Variants in FAM221A observed in about 807,000 individuals in gnomAD.
FAM221A encodes the protein protein FAM221A.
A neutral mutation model predicts 37.6 loss-of-function variants in FAM221A; 43 were observed. The ratio of observed to expected loss-of-function variants is 1.15; its 90% CI spans 0.90 to 1.48. The LOEUF (loss-of-function observed/expected upper bound fraction) is 1.48. FAM221A is among the 40% of genes most tolerant of loss of function. The pLI is 0.00. For synonymous variants in FAM221A, 135 were observed against 132.9 expected (o/e 1.02, Z -0.11); for missense variants, 361 against 361.5 (o/e 1.00, Z 0.01).
intron 5 of FAM221A, among the ~76,000 whole-genome samples, chr7:23,699,167 G>C (rs1055061649): frequency 6.7e-6 from 1 of 150,348 alleles, no homozygotes; most frequent in African/African-American, 2.5e-5. Context: ...GTCCAAGCTG[G>C]TGTGCAGTGG....
At chr7:23,695,093 C>A (rs540216505) in intron 4 of FAM221A, among the ~76,000 whole-genome samples, 1 of 152,110 alleles carries the variant, frequency 6.6e-6, no homozygotes, top group Non-Finnish European at 1.5e-5. Flanking sequence ...CCCAACCTCC[C>A]GAGTAGCTGT....
rs1164939727 is a variant in FAM221A at position 23,685,698 on chromosome 7, T to C, written c.239+1026T>C. ...GCACACTGCTTTGCATTACAAATGG[T>C]CATGTTCCAAGAAAAGTGCCTAAAG... is the stretch of plus-strand genomic sequence containing the variant. On this transcript the variant is annotated intron_variant, in intron 2 of 6. Coordinates refer to ENST00000344962, the MANE Select transcript of FAM221A (RefSeq NM_199136.5). 2.0e-5 allele frequency among the ~76,000 whole-genome samples: 3 copies of C among 152,232 alleles called. No homozygotes were observed. In the East Asian group the frequency reaches 5.8e-4, roughly 29 times the overall value.
In FAM221A at chr7:23,691,381, T is replaced by C; in HGVS notation, c.431-9T>C. On this transcript the variant is annotated splice_polypyrimidine_tract_variant and intron_variant, in intron 3 of 6. Transcript: ENST00000344962. ...TTAAGAATTTAACTCCCTTTACATC[T>C]TGATTCAGGTTCCAAGTGTTCAGGA... 6.2e-7 allele frequency: 1 copy of C among 1,613,942 alleles called. No individual in the cohort carries two copies. Among genetic ancestry groups the C allele is most frequent in the Admixed American group, 1.7e-5 (1 of 60,018 alleles).
intron 1 of FAM221A, among the ~76,000 whole-genome samples, chr7:23,682,401 G>GTA (rs1784097967): frequency 2.2e-5 from 3 of 133,590 alleles, no homozygotes; most frequent in Non-Finnish European, 3.2e-5. Context: ...GTGTGTGTAT[G>GTA]TATATATATA....
At chr7:23,693,295 C>A (rs1362297441) in intron 4 of FAM221A, 3 of 152,126 alleles carry the variant, frequency 2.0e-5, no homozygotes, top group Non-Finnish European at 2.9e-5. Flanking sequence ...TGCCTGTTTC[C>A]TCACATTTAG....
rs770140232 is a variant in FAM221A at position 23,689,282 on chromosome 7, A to G, written c.253A>G (p.Lys85Glu). ...CTCCTTTTTTAGGTATAAACAACAT[A>G]AAACTGACTTGGAAGCGATTCCTCA... is the stretch of plus-strand genomic sequence containing the variant. ...CFCTHRYKQH[K>E]TDLEAIPQQC... Residue 85 changes from lysine to glutamate, a missense_variant, in exon 3 of 7, where the codon AAA becomes GAA. By Grantham distance (56) the Lys-to-Glu change is moderately conservative. Coordinates refer to ENST00000344962, the MANE Select transcript of FAM221A (RefSeq NM_199136.5). The G allele has an allele frequency of 6.5e-6, 10 of 1,540,854 alleles. No individual in the cohort carries two copies. The highest frequency in any genetic ancestry group is 8.0e-6 in the Non-Finnish European group (9 of 1,126,766).
At chr7:23,698,153 A>T in intron 4 of FAM221A, 39 bp from the exon 5 acceptor site, 1 of 1,039,992 alleles carries the variant, frequency 9.6e-7, no homozygotes, top group Non-Finnish European at 1.5e-6. Flanking sequence ...GTATCCCTGT[A>T]AATATTTAAT....
intron 4 of FAM221A, among the ~76,000 whole-genome samples, chr7:23,697,810 G>A (rs1785152136): frequency 6.6e-6 from 1 of 152,178 alleles, no homozygotes; most frequent in East Asian, 1.9e-4. Flanking sequence ...CCAGTGAAGT[G>A]ATGTGATCAT....
At chr7:23,689,871 T>G (rs1784608257) in intron 3 of FAM221A, among the ~76,000 whole-genome samples, 1 of 152,130 alleles carries the variant, frequency 6.6e-6, no homozygotes, top group Non-Finnish European at 1.5e-5. Context: ...TAGATTAACA[T>G]AGCATGATCA....
chr7:23,681,812 G>A (rs1191013198), intron 1 of FAM221A, among the ~76,000 whole-genome samples: 3 of 152,204 alleles, frequency 2.0e-5, no homozygotes, highest in Non-Finnish European at 4.4e-5. Flanking sequence ...GGGAAAACAG[G>A]ACTTGAGTAC....
intron 2 of FAM221A, chr7:23,687,555 TC>T (rs1784440637): frequency 1.3e-5 from 2 of 152,226 alleles, no homozygotes; most frequent in East Asian, 3.9e-4. Context: ...GGGTATATTT[TC>T]CAAAAATGAA....
intron 4 of FAM221A, chr7:23,692,176 A>C (rs561284626): frequency 1.4e-5 from 14 of 972,106 alleles, no homozygotes; most frequent in East Asian, 1.1e-4. Context: ...ATTCTAAACT[A>C]TTAAAGGTAG....
chr7:23,699,481 C>CT (rs1463023972), intron 5 of FAM221A, among the ~76,000 whole-genome samples: 2 of 144,508 alleles, frequency 1.4e-5, no homozygotes, highest in Non-Finnish European at 1.5e-5. Flanking sequence ...AAGGTAAAAG[C>CT]TTTTTTTCAG....
chr7:23,690,200 T>TA (rs1491098232), intron 3 of FAM221A, among the ~76,000 whole-genome samples: 1,272 of 18,402 alleles, frequency 0.069, 10 homozygotes, highest in Middle Eastern at 0.14. Context: ...TATATATATA[T>TA]TTTTTTTTTT....
At chr7:23,692,403 G>A (rs550264709) in intron 4 of FAM221A, 15 of 246,608 alleles carry the variant, frequency 6.1e-5, no homozygotes, top group East Asian at 3.6e-4. Context: ...GTGCAATGGC[G>A]CGATCTCGGC....
At chr7:23,682,439 AT>A (rs59949135) in intron 1 of FAM221A, among the ~76,000 whole-genome samples, 3,662 of 79,406 alleles carry the variant, frequency 0.046, 124 homozygotes, top group South Asian at 0.19. Context: ...TATTATTATT[AT>A]TTTTTTTTTT....
At chr7:23,695,066 C>A (rs1584277404) in intron 4 of FAM221A, among the ~76,000 whole-genome samples, 2 of 152,162 alleles carry the variant, frequency 1.3e-5, no homozygotes, top group African/African-American at 4.8e-5. Context: ...AACTCCTGGG[C>A]TTAAGCAGTC....
chr7:23,689,570 T>C (rs1344563691), intron 3 of FAM221A, 111 bp downstream of exon 3: 4 of 734,352 alleles, frequency 5.4e-6, no homozygotes, highest in Non-Finnish European at 8.1e-6. Flanking sequence ...GTATTAGTTG[T>C]AGAGTTAATA....
At position 23,699,735 on chromosome 7, in the gene FAM221A, T is replaced by G. The variant is rs551211982; in HGVS notation, c.746-1051T>G. The stretch of plus-strand genomic sequence containing the variant: ...TTTTGAATTTTTTGTAGAGACAGGG[T>G]TTTGCCATGTTGCCCAGGCTGGTCT... On this transcript the variant is annotated intron_variant, in intron 5 of 6. Transcript: ENST00000344962. Among the ~76,000 whole-genome samples the G allele has an allele frequency of 9.9e-5, 15 of 151,838 alleles. No homozygotes were observed. In the East Asian group the frequency reaches 2.9e-3, roughly 30 times the overall value.
Sources: gnomAD v4.1 joint callset for allele counts (sites outside exome capture counted in the v4.1 genomes callset) on GRCh38, gnomAD v4.1.1 for gene constraint, MANE v1.5 for transcripts, NCBI Gene and HGNC (gene_info 2026-07-23, HGNC 2026-07-21) for gene names.